SMARCC2: variants seen among roughly 807,000 people sequenced by gnomAD.
SMARCC2 encodes SWI/SNF complex subunit SMARCC2.
In SMARCC2, 15 loss-of-function variants were observed where a neutral mutation model predicts 151.3. The ratio of observed to expected loss-of-function variants is 0.10; its 90% CI spans 0.07 to 0.15. SMARCC2 has a LOEUF of 0.15. Ranked by LOEUF, SMARCC2 falls within the 10% of genes least tolerant of loss-of-function variation. The pLI, the probability that SMARCC2 is intolerant of heterozygous loss-of-function variation, is 1.00. For synonymous variants in SMARCC2, 590 were observed against 609.5 expected (o/e 0.97, Z 0.47); for missense variants, 1,031 against 1,599.7 (o/e 0.64, Z 6.06).
intron 3 of SMARCC2, 61 bp downstream of exon 3, chr12:56,186,094 G>T: frequency 1.7e-6 from 2 of 1,168,660 alleles, no homozygotes; most frequent in Non-Finnish European, 2.6e-6. Flanking sequence ...AGATCCCAGG[G>T]AATCAAAAAG....
At position 56,164,569 on chromosome 12, in the gene SMARCC2, C is replaced by G; in HGVS notation, c.3395G>C (p.Ser1132Thr). The change falls in exon 28 of 29, where the codon AGT becomes ACT. Residue 1132 changes from serine to threonine, a missense_variant. Physicochemically the swap from Ser to Thr is moderately conservative, Grantham distance 58 (BLOSUM62 1). This residue lies in a region of SMARCC2 where 310 missense variants were observed against 350.0 expected (regional missense o/e 0.89). Transcript: ENST00000550164. The stretch of plus-strand genomic sequence containing the variant: ...GTTAATACTGATGGAGTCAGCTAGA[C>G]TACCAAATGGGATGATGGATGGAGC... ...PPAPSIIPFG[S>T]LADSISINLP... 6.2e-7 allele frequency: 1 copy of G among 1,614,068 alleles called. No individual in the cohort carries two copies.
Position 56,165,442 on chromosome 12 carries a change from T to C in SMARCC2, c.3108A>G (p.Gly1036=). ...CAATCTGTTCAGAAGGGCCCAAACTTCCTGGAGGGGCCCCACTGCCAGCAG... is the reference window on the plus strand; with the variant it reads ...CAATCTGTTCAGAAGGGCCCAAACTCCCTGGAGGGGCCCCACTGCCAGCAG... The part of the protein sequence containing the change: ...PAPAGSGAPP[G]SLGPSEQIGQ... The change falls in exon 27 of 29, where the codon GGA becomes GGG. Residue 1036 remains glycine, a synonymous_variant. Coordinates refer to ENST00000550164, the MANE Select transcript of SMARCC2 (RefSeq NM_001330288.2). The C allele has an allele frequency of 6.5e-7, 1 of 1,534,586 alleles. No individual in the cohort carries two copies. The highest frequency in any genetic ancestry group is 1.4e-5 in the African/African-American group (1 of 72,560).
intron 26 of SMARCC2, 87 bp downstream of exon 26, chr12:56,167,973 C>A (rs878938612): frequency 8.0e-7 from 1 of 1,246,188 alleles, no homozygotes; most frequent in South Asian, 1.3e-5. Context: ...CACACACACA[C>A]ACACACACAC....
chr12:56,178,193 C>T (rs1875409924), intron 14 of SMARCC2, 100 bp from the exon 15 acceptor site: 9 of 1,061,704 alleles, frequency 8.5e-6, no homozygotes, highest in South Asian at 6.0e-5. Flanking sequence ...GAAAAGAGCT[C>T]GAAATTGCTG....
At chr12:56,181,638 C>T (rs781239116) in intron 9 of SMARCC2, 41 bp from the exon 10 acceptor site, 1 of 1,611,360 alleles carries the variant, frequency 6.2e-7, no homozygotes, top group African/African-American at 1.3e-5. Flanking sequence ...GCCTACAATC[C>T]CCACTGAAGA....
Position 56,179,074 on chromosome 12 carries a change from CA to C in SMARCC2, c.1082-19del. ...TGTGTTGACTGCGAAAACAGAGAGT[CA>C]TTTTATCAGACAGATTTTGCCTAAT... On this transcript the variant is annotated intron_variant, in intron 11 of 28. Transcript: ENST00000550164. 6.2e-7 allele frequency: 1 copy of C among 1,612,800 alleles called. No individual in the cohort carries two copies. Among genetic ancestry groups the C allele is most frequent in the Non-Finnish European group, 8.5e-7 (1 of 1,178,896 alleles).
At chr12:56,166,995 G>A (rs1211619466) in intron 26 of SMARCC2, among the ~76,000 whole-genome samples, 11 of 150,660 alleles carry the variant, frequency 7.3e-5, no homozygotes, top group Non-Finnish European at 1.0e-4. Flanking sequence ...CCCAGGAGGC[G>A]GAGGTTGCAG....
chr12:56,165,267 CA>C (rs773642924), intron 27 of SMARCC2, 50 bp downstream of exon 27: 1 of 1,451,694 alleles, frequency 6.9e-7, no homozygotes, highest in Non-Finnish European at 9.0e-7. Context: ...AGAACTGGGA[CA>C]TTCACCTGGA....
chr12:56,164,536 G>A lies in SMARCC2; in HGVS notation c.3428C>T (p.Ala1143Val), dbSNP rs764314206. The A allele has an allele frequency of 6.2e-7, 1 of 1,614,098 alleles. No homozygotes were observed. Among genetic ancestry groups the A allele is most frequent in the African/African-American group, 1.3e-5 (1 of 74,946 alleles). The change falls in exon 28 of 29, where the codon GCT becomes GTT. Residue 1143 changes from alanine (A) to valine (V), a missense_variant. Around this residue, in one of 12 missense-constraint regions of SMARCC2, gnomAD observed 310 missense variants for 350.0 expected, o/e 0.89. Transcript: ENST00000550164. ...LADSISINLP[A>V]PPNLHGHHHH... is the part of the protein sequence containing the mutation. ...GTGATGCCCATGCAGGTTAGGAGGAGCGGGGAGGTTAATACTGATGGAGTC... is the reference window on the plus strand; with the variant it reads ...GTGATGCCCATGCAGGTTAGGAGGAACGGGGAGGTTAATACTGATGGAGTC...
intron 15 of SMARCC2, among the ~76,000 whole-genome samples, 165 bp from the exon 16 acceptor site, chr12:56,174,929 A>C (rs1874652434): frequency 6.6e-6 from 1 of 152,200 alleles, no homozygotes; most frequent in Admixed American, 6.5e-5. Flanking sequence ...TGCTAGATGA[A>C]AGGGTTTCAA....
At chr12:56,176,843 C>T (rs1392211255) in intron 15 of SMARCC2, among the ~76,000 whole-genome samples, 8 of 145,280 alleles carry the variant, frequency 5.5e-5, no homozygotes, top group Admixed American at 2.1e-4. Flanking sequence ...TTTTTTGAGA[C>T]GGAGTTTCAC....
intron 27 of SMARCC2, 67 bp from the exon 28 acceptor site, chr12:56,164,798 A>G (rs1872482125): frequency 3.3e-5 from 38 of 1,154,690 alleles, no homozygotes; most frequent in Non-Finnish European, 4.3e-5. Flanking sequence ...CACCTTTTCT[A>G]TTTTTTTTTT....
At chr12:56,181,883 G>A in intron 8 of SMARCC2, 48 bp from the exon 9 acceptor site, 1 of 1,613,110 alleles carries the variant, frequency 6.2e-7, no homozygotes, top group Non-Finnish European at 8.5e-7. Flanking sequence ...GGAAGCCACA[G>A]CTCTGTCTGG....
At position 56,171,639 on chromosome 12, in the gene SMARCC2, C is replaced by T. The variant is rs1174578943; in HGVS notation, c.2185+40G>A. Reference sequence around the variant, plus strand: ...GTCTGAGTAACTAGCCCTTCAAAAGCAAACTAAGAAGGCCAGGTGGAACCA... The same window carrying T: ...GTCTGAGTAACTAGCCCTTCAAAAGTAAACTAAGAAGGCCAGGTGGAACCA... On this transcript the variant is annotated intron_variant, in intron 21 of 28. Transcript: ENST00000550164. This position sits in a 1 kb window ranked among gnomAD's most constrained non-coding sequence, Gnocchi z 4.2. 3 of 1,523,246 alleles carry T rather than the reference C, an allele frequency of 2.0e-6. No individual in the cohort carries two copies. Among genetic ancestry groups the T allele is most frequent in the Non-Finnish European group, 1.8e-6 (2 of 1,137,888 alleles). 94.4% of individuals were successfully genotyped at this position (1,523,246 alleles called of 1,614,324 possible).
intron 12 of SMARCC2, 56 bp from the exon 13 acceptor site, chr12:56,178,903 C>G: frequency 6.2e-7 from 1 of 1,605,250 alleles, no homozygotes; most frequent in East Asian, 2.2e-5. Flanking sequence ...CAAGAAAGCC[C>G]TACCAAAAGC....
rs563325892 is a variant in SMARCC2, at chr12:56,177,721, A to G, written c.1382+301T>C. The stretch of plus-strand genomic sequence containing the variant: ...TAGGAATATCTGCAGTATAGACGAT[A>G]TCAGTAATATGGATTTAAAGGCTCT... On this transcript the variant is annotated intron_variant, in intron 15 of 28. Coordinates refer to ENST00000550164, the MANE Select transcript of SMARCC2 (RefSeq NM_001330288.2). Among the ~76,000 whole-genome samples the G allele has an allele frequency of 5.3e-5, 8 of 152,168 alleles. No individual in the cohort carries two copies. The South Asian group carries it at 1.7e-3, about 32-fold the overall frequency.
intron 15 of SMARCC2, 131 bp downstream of exon 15, chr12:56,177,891 T>C: frequency 1.5e-6 from 1 of 654,198 alleles, no homozygotes; most frequent in South Asian, 2.0e-5. Context: ...TGTGCCTTTG[T>C]AAGCCTAGCA....
Position 56,177,975 on chromosome 12 carries a change from G to A in SMARCC2, c.1382+47C>T, listed in dbSNP as rs747763981. 6.3e-6 allele frequency: 8 copies of A among 1,276,288 alleles called. No individual in the cohort carries two copies. In the East Asian group the frequency reaches 1.4e-4, roughly 22 times the overall value. The allele number at this position is 1,276,288 out of a possible 1,614,324, so 79.1% of individuals were successfully genotyped here. A position where few individuals can be genotyped will look rare whatever the true frequency, so the allele number is the denominator to read the frequency against. On this transcript the variant is annotated intron_variant, in intron 15 of 28. Transcript: ENST00000550164. ...TGTTACTGGATCAGGAAGGGTGAAT[G>A]TGGGGACAGGAGGGAGAAGGAGAAT...
chr12:56,179,884 A>T (rs1875796043), intron 11 of SMARCC2, among the ~76,000 whole-genome samples: 1 of 151,874 alleles, frequency 6.6e-6, no homozygotes, highest in South Asian at 2.1e-4. Context: ...ATGGGGTTTC[A>T]CCGTGTTAGC....
Sources: gnomAD v4.1 joint callset for allele counts (sites outside exome capture counted in the v4.1 genomes callset) on GRCh38, gnomAD v4.1.1 for gene constraint, gnomAD v4.1.1 regional missense constraint, Gnocchi (gnomAD v3.1) non-coding constraint, MANE v1.5 for transcripts, NCBI Gene and HGNC (gene_info 2026-07-23, HGNC 2026-07-21) for gene names.